HLF: variants seen among roughly 807,000 people sequenced by gnomAD.
HLF encodes HLF transcription factor, PAR bZIP family member, also known as hepatic leukemia factor.
A neutral mutation model predicts 22.6 loss-of-function variants in HLF; 3 were observed. That is an observed-to-expected ratio of 0.13 (90% CI 0.06 to 0.34). The LOEUF (loss-of-function observed/expected upper bound fraction) is 0.34, where lower values mean the gene tolerates loss of function less well. Among genes scored for constraint, HLF ranks in the 10% least tolerant of loss-of-function variants. The pLI is 1.00. For synonymous variants in HLF, 151 were observed against 151.8 expected (o/e 0.99, Z 0.04); for missense variants, 299 against 389.2 (o/e 0.77, Z 1.95).
rs187980527 is a variant in HLF at position 55,300,814 on chromosome 17, G to A, written c.452-14413G>A. Among the ~76,000 whole-genome samples the A allele has an allele frequency of 8.6e-4, 131 of 152,284 alleles. 1 individual carries two copies. In the South Asian group the frequency reaches 0.015, roughly 18 times the overall value. On this transcript the variant is annotated intron_variant, in intron 2 of 3. Transcript: ENST00000226067. ...GTTGCCACAACAATCTTTCTGAAACGAGTCATCTGATCAAGTGAGTCCTTT... is the reference window on the plus strand; with the variant it reads ...GTTGCCACAACAATCTTTCTGAAACAAGTCATCTGATCAAGTGAGTCCTTT...
intron 2 of HLF, among the ~76,000 whole-genome samples, chr17:55,298,191 G>C (rs2081126592): frequency 6.6e-6 from 1 of 152,122 alleles, no homozygotes; most frequent in Non-Finnish European, 1.5e-5. Context: ...CTGTTCAGGG[G>C]ATTTATGTGG....
chr17:55,298,188 G>A (rs1167135338), intron 2 of HLF, among the ~76,000 whole-genome samples: 1 of 152,096 alleles, frequency 6.6e-6, no homozygotes, highest in Non-Finnish European at 1.5e-5. Context: ...CCCCTGTTCA[G>A]GGGATTTATG....
chr17:55,265,436 T>TTTCG lies in HLF; in HGVS notation c.-46_-45insGTTC, dbSNP rs2145285212. The TTTCG allele has an allele frequency of 1.8e-6, 2 of 1,081,362 alleles. No individual in the cohort carries two copies. Among genetic ancestry groups the TTTCG allele is most frequent in the Non-Finnish European group, 1.3e-6 (1 of 776,726 alleles). The allele number at this position is 1,081,362 out of a possible 1,614,324, so 67.0% of individuals were successfully genotyped here. ...TCAGCAACATTTTAGGGGGCGGTTG[T>TTTCG]TTCTTTCTTATTTCTTTTTTTAAGG... On this transcript the variant is annotated 5_prime_UTR_variant, in exon 1 of 4. Transcript: ENST00000226067.
chr17:55,306,668 A>G (rs1009793608), intron 2 of HLF, among the ~76,000 whole-genome samples: 1 of 152,008 alleles, frequency 6.6e-6, no homozygotes, highest in African/African-American at 2.4e-5. Flanking sequence ...TGTCAGAGCT[A>G]TGACAGGTTC....
At chr17:55,280,746 T>C (rs2145314394) in intron 2 of HLF, among the ~76,000 whole-genome samples, 1 of 152,270 alleles carries the variant, frequency 6.6e-6, no homozygotes. Context: ...CTCTCCTTAG[T>C]GTGAGTCTCT....
At chr17:55,306,868 T>C (rs1345601387) in intron 2 of HLF, among the ~76,000 whole-genome samples, 1 of 152,144 alleles carries the variant, frequency 6.6e-6, no homozygotes, top group East Asian at 1.9e-4. Flanking sequence ...TTAATTCCTC[T>C]TTCTTTCTCT....
intron 2 of HLF, chr17:55,272,989 T>A (rs974809486): frequency 6.6e-6 from 1 of 152,310 alleles, no homozygotes; most frequent in South Asian, 2.1e-4. Flanking sequence ...TAGACATTTT[T>A]CTGTTTCTTG....
intron 2 of HLF, among the ~76,000 whole-genome samples, chr17:55,274,107 A>AGGGGGTGGG (rs1360800400): frequency 1.5e-5 from 2 of 129,424 alleles, no homozygotes; most frequent in Admixed American, 1.6e-4. Context: ...GGAGAAGGAA[A>AGGGGGTGGG]GGGGGTGGGG....
chr17:55,271,628 C>G (rs1175081215), intron 2 of HLF: 2 of 152,188 alleles, frequency 1.3e-5, no homozygotes, highest in Non-Finnish European at 2.9e-5. Context: ...CTCCGGGGTC[C>G]AAGCTATTTT....
chr17:55,275,813 C>T (rs925521400), intron 2 of HLF, among the ~76,000 whole-genome samples: 2 of 152,200 alleles, frequency 1.3e-5, no homozygotes, highest in Non-Finnish European at 2.9e-5. Context: ...AGTTCAGTTA[C>T]TTTTCTCTAA....
chr17:55,323,236 T>A lies in HLF; in HGVS notation c.*2357T>A. ...AAACTTTTGCAATCTTAAGCAGAGA[T>A]AAATAAAAGATAGCAATATGAGACA... On this transcript the variant is annotated 3_prime_UTR_variant, in exon 4 of 4. Coordinates refer to ENST00000226067, the MANE Select transcript of HLF (RefSeq NM_002126.5). 1 of 217,388 alleles carries A rather than the reference T, an allele frequency of 4.6e-6. No homozygotes were observed. The highest frequency in any genetic ancestry group is 9.3e-6 in the Non-Finnish European group (1 of 108,052). The allele number at this position is 217,388 out of a possible 1,614,324, so 13.5% of individuals were successfully genotyped here. A position where few individuals can be genotyped will look rare whatever the true frequency, so the allele number is the denominator to read the frequency against.
chr17:55,304,685 T>C (rs1904463122), intron 2 of HLF, among the ~76,000 whole-genome samples: 1 of 152,170 alleles, frequency 6.6e-6, no homozygotes, highest in East Asian at 1.9e-4. Flanking sequence ...CTAACAGGCT[T>C]TGCTTGGGCT....
Position 55,320,956 on chromosome 17 carries a change from C to G in HLF, c.*77C>G. The G allele has an allele frequency of 8.8e-7, 1 of 1,139,376 alleles. No homozygotes were observed. Among genetic ancestry groups the G allele is most frequent in the Non-Finnish European group, 1.3e-6 (1 of 784,196 alleles). 70.6% of individuals were successfully genotyped at this position (1,139,376 alleles called of 1,614,324 possible). On this transcript the variant is annotated 3_prime_UTR_variant, in exon 4 of 4. Coordinates refer to ENST00000226067, the MANE Select transcript of HLF (RefSeq NM_002126.5). This position sits in a 1 kb window ranked among gnomAD's most constrained non-coding sequence, Gnocchi z 4.2. ...TCTGATAGCACCACACGCAAACCAA[C>G]CTTTCTGACATCAGCACTTTACCAG...
intron 2 of HLF, among the ~76,000 whole-genome samples, chr17:55,290,830 C>G (rs1345968457): frequency 6.6e-6 from 1 of 152,092 alleles, no homozygotes; most frequent in Non-Finnish European, 1.5e-5. Flanking sequence ...ATTGTGAATG[C>G]AAAGGAAAAG....
intron 2 of HLF, among the ~76,000 whole-genome samples, chr17:55,314,629 C>T (rs964389857): frequency 1.8e-4 from 28 of 152,224 alleles, no homozygotes; most frequent in Admixed American, 5.2e-4. Context: ...CAAGACTATA[C>T]GTGGTTCTGC....
intron 2 of HLF, among the ~76,000 whole-genome samples, chr17:55,279,707 A>C (rs1267326179): frequency 1.3e-5 from 2 of 152,224 alleles, no homozygotes; most frequent in African/African-American, 4.8e-5. Flanking sequence ...TATATAAATT[A>C]ATATCCTGAA....
chr17:55,283,276 A>G (rs1411448604), intron 2 of HLF, among the ~76,000 whole-genome samples: 1 of 152,080 alleles, frequency 6.6e-6, no homozygotes, highest in Non-Finnish European at 1.5e-5. Context: ...CCTGCCTGTG[A>G]TAGTAGGTTT....
At chr17:55,307,247 A>G (rs941903646) in intron 2 of HLF, among the ~76,000 whole-genome samples, 15 of 145,124 alleles carry the variant, frequency 1.0e-4, no homozygotes, top group African/African-American at 3.9e-4. Flanking sequence ...TCCACCTCAC[A>G]GGTTCAGGTG....
At chr17:55,278,489 A>T (rs1172484881) in intron 2 of HLF, among the ~76,000 whole-genome samples, 1 of 152,206 alleles carries the variant, frequency 6.6e-6, no homozygotes, top group Non-Finnish European at 1.5e-5. Context: ...GAAAGAGTTA[A>T]GCACGCCTGT....
Sources: allele counts gnomAD v4.1 joint callset (sites outside exome capture counted in the v4.1 genomes callset), GRCh38; gene constraint gnomAD v4.1.1; non-coding constraint Gnocchi (gnomAD v3.1); transcripts MANE v1.5; gene names NCBI Gene and HGNC (gene_info 2026-07-23, HGNC 2026-07-21).